Variants in CTSC observed in about 807,000 individuals in gnomAD.
CTSC encodes the protein dipeptidyl peptidase 1.
In CTSC, 37 loss-of-function variants were observed where a neutral mutation model predicts 40.9. The observed-to-expected ratio is 0.91, with a 90% CI of 0.70 to 1.19. The LOEUF (loss-of-function observed/expected upper bound fraction) is 1.19. Ranked by LOEUF, CTSC falls within the 50% of genes most tolerant of loss-of-function variation. The pLI, the probability that CTSC is intolerant of heterozygous loss-of-function variation, is 0.00. For synonymous variants in CTSC, 232 were observed against 207.4 expected (o/e 1.12, Z -1.02); for missense variants, 594 against 567.3 (o/e 1.05, Z -0.48).
chr11:88,328,293 A>G, intron 2 of CTSC: 2 of 841,394 alleles, frequency 2.4e-6, no homozygotes, highest in South Asian at 1.4e-5. Flanking sequence ...ACTCAGTGCT[A>G]AACTTCTGAT....
chr11:88,333,101 C>T (rs902470653), intron 2 of CTSC, among the ~76,000 whole-genome samples: 3 of 152,164 alleles, frequency 2.0e-5, no homozygotes, highest in Non-Finnish European at 4.4e-5. Flanking sequence ...CAGCTTTGGA[C>T]TACTATTTAA....
At position 88,293,629 on chromosome 11, in the gene CTSC, C is replaced by A; in HGVS notation, c.*377G>T. The A allele has an allele frequency of 4.6e-6, 1 of 219,214 alleles. No individual in the cohort carries two copies. The highest frequency in any genetic ancestry group is 7.2e-5 in the South Asian group (1 of 13,874). The allele number at this position is 219,214 out of a possible 1,614,324, so 13.6% of individuals were successfully genotyped here. ...TAAAACTTTATTTTAAAAATATGAG[C>A]ATCTATTTTAAAAGTTTTGATAATT... On this transcript the variant is annotated 3_prime_UTR_variant, in exon 7 of 7. Transcript: ENST00000227266.
At chr11:88,332,953 T>C (rs1938401835) in intron 2 of CTSC, among the ~76,000 whole-genome samples, 1 of 152,214 alleles carries the variant, frequency 6.6e-6, no homozygotes, top group Non-Finnish European at 1.5e-5. Flanking sequence ...TTATTTGGCT[T>C]TAAAAAGTGA....
chr11:88,295,223 T>C (rs1270931386), intron 6 of CTSC, among the ~76,000 whole-genome samples: 1 of 152,180 alleles, frequency 6.6e-6, no homozygotes, highest in Non-Finnish European at 1.5e-5. Context: ...TGGCAAATAA[T>C]CACTCATCAG....
intron 2 of CTSC, chr11:88,327,938 T>TGCAGACAACTTAGAAACA: frequency 3.1e-6 from 2 of 645,118 alleles, no homozygotes; most frequent in East Asian, 5.5e-5. Flanking sequence ...CATAAAATAG[T>TGCAGACAACTTAGAAACA]GCAGACAACT....
chr11:88,297,677 C>T (rs942046404), intron 5 of CTSC: 7 of 152,200 alleles, frequency 4.6e-5, no homozygotes, highest in Non-Finnish European at 1.0e-4. Context: ...GTTCTATTTA[C>T]AGAGCAATCA....
At chr11:88,312,604 T>A (rs777395446) in intron 2 of CTSC, 50 bp from the exon 3 acceptor site, 4 of 1,605,556 alleles carry the variant, frequency 2.5e-6, no homozygotes, top group Non-Finnish European at 3.4e-6. Context: ...GTCTTCAAAT[T>A]TCAGGTCCAT....
In CTSC at chr11:88,337,537, T is replaced by A; in HGVS notation, c.136A>T (p.Ser46Cys). The change falls in exon 1 of 7, where the codon AGC becomes TGC. Residue 46 changes from serine (S) to cysteine (C), a missense_variant. By Grantham distance (112) the Ser-to-Cys change is moderately radical (BLOSUM62 -1). Transcript: ENST00000227266. ...LGTWVFQVGS[S>C]GSQRDVNCSV... ...CAGTTGACATCGCGCTGGGAACCGC[T>A]GGAGCCCACCTGGAAGACCCAGGTG... 6.3e-7 allele frequency: 1 copy of A among 1,577,008 alleles called. No individual in the cohort carries two copies. The highest frequency in any genetic ancestry group is 8.6e-7 in the Non-Finnish European group (1 of 1,160,400).
chr11:88,316,372 G>A (rs1185184064), intron 2 of CTSC, among the ~76,000 whole-genome samples: 1 of 151,972 alleles, frequency 6.6e-6, no homozygotes, highest in African/African-American at 2.4e-5. Flanking sequence ...ACTTTGGAAC[G>A]CCGAGGTTGG....
In CTSC at chr11:88,294,057, C is replaced by T. The variant is rs1214651337; in HGVS notation, c.1341G>A (p.Glu447=). 2 of 1,614,106 alleles carry T rather than the reference C, an allele frequency of 1.2e-6. No homozygotes were observed. Among genetic ancestry groups the T allele is most frequent in the Admixed American group, 1.7e-5 (1 of 59,998 alleles). The change falls in exon 7 of 7, where the codon GAG becomes GAA. Residue 447 remains glutamate, a synonymous_variant. Coordinates refer to ENST00000227266, the MANE Select transcript of CTSC (RefSeq NM_001814.6). ...CCACTGCTATGCTCTCAATTGCACACTCATCAGTTCCTCTGCGGATCCGGA... is the reference window on the plus strand; with the variant it reads ...CCACTGCTATGCTCTCAATTGCACATTCATCAGTTCCTCTGCGGATCCGGA... The part of the protein sequence containing the change: ...GYFRIRRGTD[E]CAIESIAVAA...
At chr11:88,323,268 TCTCAAATAATAAGAG>T (rs1282362464) in intron 2 of CTSC, 7 of 152,154 alleles carry the variant, frequency 4.6e-5, no homozygotes, top group African/African-American at 1.7e-4. Flanking sequence ...AAGGAACGTA[TCTCAAATAATAAGAG>T]CTTTTTATGA....
At chr11:88,324,342 CA>C in intron 2 of CTSC, 10 of 971,518 alleles carry the variant, frequency 1.0e-5, no homozygotes, top group Non-Finnish European at 9.8e-6. Flanking sequence ...ATATTTTTTA[CA>C]TATCAGTTGC....
intron 4 of CTSC, among the ~76,000 whole-genome samples, chr11:88,301,302 T>G (rs1438232643): frequency 6.6e-6 from 1 of 152,158 alleles, no homozygotes; most frequent in African/African-American, 2.4e-5. Context: ...ACACAAGGCC[T>G]ATACTGAGTA....
intron 4 of CTSC, among the ~76,000 whole-genome samples, chr11:88,307,491 T>C (rs1389810867): frequency 6.6e-6 from 1 of 151,224 alleles, no homozygotes; most frequent in Non-Finnish European, 1.5e-5. Context: ...AAATATACCA[T>C]GGGGCTTATG....
intron 3 of CTSC, among the ~76,000 whole-genome samples, chr11:88,311,463 C>G (rs1474837076): frequency 6.6e-6 from 1 of 152,174 alleles, no homozygotes; most frequent in Non-Finnish European, 1.5e-5. Flanking sequence ...GTGGCTTTTA[C>G]AACTACATAA....
At chr11:88,335,144 AT>A (rs1427312988) in intron 1 of CTSC, 62 bp from the exon 2 acceptor site, 9 of 1,094,190 alleles carry the variant, frequency 8.2e-6, no homozygotes, top group Non-Finnish European at 1.4e-6. Flanking sequence ...AGGGGAAAGA[AT>A]CCCCCAATTT....
chr11:88,316,326 T>C (rs1056047295), intron 2 of CTSC, among the ~76,000 whole-genome samples: 1 of 152,126 alleles, frequency 6.6e-6, no homozygotes, highest in Non-Finnish European at 1.5e-5. Flanking sequence ...ACAGGAGCAA[T>C]GGCCAGGTAC....
chr11:88,308,163 C>T (rs2134780775), intron 4 of CTSC, among the ~76,000 whole-genome samples: 1 of 152,312 alleles, frequency 6.6e-6, no homozygotes, highest in Non-Finnish European at 1.5e-5. Context: ...TCTTGCCTTC[C>T]ACTTAAATAT....
chr11:88,302,651 A>T, intron 4 of CTSC, among the ~76,000 whole-genome samples: 1 of 138,018 alleles, frequency 7.2e-6, no homozygotes, highest in South Asian at 2.4e-4. Flanking sequence ...AAAAAAAAAA[A>T]GAATACATGA....
Sources: allele counts gnomAD v4.1 joint callset (sites outside exome capture counted in the v4.1 genomes callset), GRCh38; gene constraint gnomAD v4.1.1; transcripts MANE v1.5; gene names NCBI Gene and HGNC (gene_info 2026-07-23, HGNC 2026-07-21).